TMEM135: variants seen among roughly 807,000 people sequenced by gnomAD.
The protein encoded by TMEM135 is peroxisomal membrane protein 52.
A neutral mutation model predicts 60.3 loss-of-function variants in TMEM135; 30 were observed. The ratio of observed to expected loss-of-function variants is 0.50; its 90% confidence interval spans 0.37 to 0.68. The LOEUF is 0.68. Among genes scored for constraint, TMEM135 ranks in the 30% least tolerant of loss-of-function variants. The pLI, the probability that TMEM135 is intolerant of heterozygous loss-of-function variation, is 0.00. For missense variants in TMEM135, 468 were observed against 548.8 expected (o/e 0.85, Z 1.47); for synonymous variants, 190 against 186.7 (o/e 1.02, Z -0.14).
intron 5 of TMEM135, among the ~76,000 whole-genome samples, chr11:87,217,211 C>T (rs301588): frequency 0.78 from 119,230 of 152,090 alleles, 47,498 homozygotes; most frequent in Non-Finnish European, 0.83. Flanking sequence ...CATCTGGAAT[C>T]GGGAGGTAGA....
intron 6 of TMEM135, among the ~76,000 whole-genome samples, chr11:87,286,387 A>G (rs886933934): frequency 2.0e-5 from 3 of 152,236 alleles, no homozygotes; most frequent in Admixed American, 6.5e-5. Context: ...TGATTGGTGC[A>G]TATACAATCC....
In TMEM135 at chr11:87,314,970, A is replaced by G. The variant is rs184585955; in HGVS notation, c.1077+423A>G. 1.7e-3 allele frequency among the ~76,000 whole-genome samples: 251 copies of G among 152,098 alleles called. 1 individual carries two copies. Among genetic ancestry groups the G allele is most frequent in the African/African-American group, 5.7e-3 (237 of 41,568 alleles). On this transcript the variant is annotated intron_variant, in intron 12 of 14. Coordinates refer to ENST00000305494, the MANE Select transcript of TMEM135 (RefSeq NM_022918.4). ...AAATCAACAATACCACAGTATCATT[A>G]TCATACATTAAAACCCTCCCAGTAA...
intron 5 of TMEM135, among the ~76,000 whole-genome samples, chr11:87,165,621 G>T (rs1015485906): frequency 2.7e-5 from 4 of 150,928 alleles, no homozygotes; most frequent in Non-Finnish European, 5.9e-5. Flanking sequence ...AATGGTACCA[G>T]TTCCTCCTTG....
intron 7 of TMEM135, among the ~76,000 whole-genome samples, chr11:87,296,062 G>T (rs565837655): frequency 5.1e-4 from 78 of 152,226 alleles, no homozygotes; most frequent in African/African-American, 1.9e-3. Context: ...CTACTGTGGG[G>T]TATTTGAAAA....
At chr11:87,307,991 T>C (rs951467463) in intron 9 of TMEM135, among the ~76,000 whole-genome samples, 1 of 152,234 alleles carries the variant, frequency 6.6e-6, no homozygotes, top group Non-Finnish European at 1.5e-5. Context: ...TGTCATATCA[T>C]TTACATGTCT....
At chr11:87,275,336 A>G (rs1941948888) in intron 6 of TMEM135, among the ~76,000 whole-genome samples, 3 of 152,090 alleles carry the variant, frequency 2.0e-5, no homozygotes, top group African/African-American at 7.2e-5. Flanking sequence ...AAATTCCTAT[A>G]CTTAAGTGCT....
At chr11:87,053,219 G>A (rs1317158328) in intron 1 of TMEM135, among the ~76,000 whole-genome samples, 1 of 150,078 alleles carries the variant, frequency 6.7e-6, no homozygotes, top group Non-Finnish European at 1.5e-5. Context: ...GTATTTTTAT[G>A]GAATACATAA....
At position 87,327,776 on chromosome 11, in the gene TMEM135, G is replaced by A. The variant is rs1326321355; in HGVS notation, c.*6443G>A. Reference sequence around the variant, plus strand: ...CTGAGAACCTGGGGGTGGGATGGGGGAGTGATAGTTTTAAGTCCTGGAGTC... The same window carrying A: ...CTGAGAACCTGGGGGTGGGATGGGGAAGTGATAGTTTTAAGTCCTGGAGTC... On this transcript the variant is annotated 3_prime_UTR_variant, in exon 15 of 15. Transcript: ENST00000305494. 2.2e-6 allele frequency: 1 copy of A among 454,018 alleles called. No homozygotes were observed. 28.1% of individuals were successfully genotyped at this position (454,018 alleles called of 1,614,324 possible).
At chr11:87,213,391 A>G (rs1398452734) in intron 5 of TMEM135, among the ~76,000 whole-genome samples, 2 of 152,176 alleles carry the variant, frequency 1.3e-5, no homozygotes, top group East Asian at 3.9e-4. Context: ...TGAATACGTC[A>G]TAAAAAATGA....
At chr11:87,235,314 G>A (rs947797285) in intron 5 of TMEM135, among the ~76,000 whole-genome samples, 1 of 151,222 alleles carries the variant, frequency 6.6e-6, no homozygotes, top group African/African-American at 2.4e-5. Flanking sequence ...GGGGAGGAGA[G>A]TATGTGTGTT....
intron 5 of TMEM135, among the ~76,000 whole-genome samples, chr11:87,196,276 C>A (rs141467742): frequency 8.2e-4 from 125 of 152,120 alleles, no homozygotes; most frequent in African/African-American, 2.9e-3. Flanking sequence ...AAATTCTGAA[C>A]TTAAATATTT....
intron 5 of TMEM135, among the ~76,000 whole-genome samples, chr11:87,173,940 T>G (rs556660996): frequency 6.6e-4 from 101 of 152,308 alleles, no homozygotes; most frequent in Non-Finnish European, 2.4e-4. Flanking sequence ...ACAAACTTGA[T>G]GTGTACTACT....
At chr11:87,066,549 C>T (rs564097634) in intron 1 of TMEM135, among the ~76,000 whole-genome samples, 6 of 149,300 alleles carry the variant, frequency 4.0e-5, no homozygotes, top group Admixed American at 1.3e-4. Context: ...TATTTCAGGG[C>T]CTTTTTTGGT....
chr11:87,074,429 CTG>C (rs72065188), intron 3 of TMEM135, among the ~76,000 whole-genome samples: 11,640 of 152,130 alleles, frequency 0.077, 518 homozygotes, highest in East Asian at 0.18. Flanking sequence ...AATAGAAAAA[CTG>C]TGTATATTGG....
chr11:87,060,959 C>G (rs539981670), intron 1 of TMEM135, among the ~76,000 whole-genome samples: 10 of 152,114 alleles, frequency 6.6e-5, no homozygotes, highest in South Asian at 6.2e-4. Flanking sequence ...TTTCTTATCT[C>G]TAAAATGGTG....
chr11:87,240,913 A>G (rs629078), intron 6 of TMEM135, among the ~76,000 whole-genome samples: 100,079 of 151,898 alleles, frequency 0.66, 33,548 homozygotes, highest in Non-Finnish European at 0.71. Flanking sequence ...GTTAATCTAT[A>G]GACTATATGG....
intron 7 of TMEM135, among the ~76,000 whole-genome samples, chr11:87,300,675 A>G (rs1942429334): frequency 6.6e-6 from 1 of 152,238 alleles, no homozygotes. Context: ...TTCAATATGT[A>G]TTAAATATTT....
At chr11:87,131,469 A>G (rs1319297030) in intron 4 of TMEM135, among the ~76,000 whole-genome samples, 1 of 152,182 alleles carries the variant, frequency 6.6e-6, no homozygotes, top group Non-Finnish European at 1.5e-5. Flanking sequence ...GTATACTATT[A>G]TATCTGCAAT....
chr11:87,063,665 T>C (rs1949970314), intron 1 of TMEM135, among the ~76,000 whole-genome samples: 1 of 152,244 alleles, frequency 6.6e-6, no homozygotes, highest in African/African-American at 2.4e-5. Context: ...CTGGCCTGGC[T>C]AACTAGACTA....
Sources: allele counts gnomAD v4.1 joint callset (sites outside exome capture counted in the v4.1 genomes callset), GRCh38; gene constraint gnomAD v4.1.1; transcripts MANE v1.5; gene names NCBI Gene and HGNC (gene_info 2026-07-23, HGNC 2026-07-21).